Variants in TP53BP1 observed in about 807,000 individuals in gnomAD.
TP53BP1 encodes the protein tumor protein p53 binding protein 1.
Under a neutral mutation model 200.8 loss-of-function variants are expected in TP53BP1, and 61 were observed. That is an observed-to-expected ratio of 0.30 (90% CI 0.25 to 0.38). The LOEUF is 0.38. Ranked by LOEUF, TP53BP1 falls within the 10% of genes least tolerant of loss-of-function variation. TP53BP1 has a pLI of 1.00. For synonymous variants in TP53BP1, 822 were observed against 844.3 expected, an observed-to-expected ratio of 0.97 and a Z score of 0.46; for missense variants, 2,144 against 2,371.9, an observed-to-expected ratio of 0.90 and a Z score of 2.00.
At chr15:43,455,778 T>C in intron 12 of TP53BP1, 114 bp downstream of exon 12, 1 of 1,294,498 alleles carries the variant, frequency 7.7e-7, no homozygotes, top group Non-Finnish European at 1.1e-6. Flanking sequence ...TGGTTGTTCA[T>C]AAACATAAAC....
At chr15:43,421,280 G>T in intron 19 of TP53BP1, 106 bp from the exon 20 acceptor site, 1 of 1,208,366 alleles carries the variant, frequency 8.3e-7, no homozygotes, top group Non-Finnish European at 1.2e-6. Context: ...CATGTGCTGA[G>T]CCTTTGGGGC....
chr15:43,428,356 A>G (rs186643370), intron 17 of TP53BP1, among the ~76,000 whole-genome samples, 188 bp from the exon 18 acceptor site: 1 of 152,316 alleles, frequency 6.6e-6, no homozygotes, highest in Admixed American at 6.5e-5. Context: ...CCAGAGGCTA[A>G]GAGAAGTTTA....
Position 43,409,092 on chromosome 15 carries a change from T to G in TP53BP1, c.5405A>C (p.Asn1802Thr), listed in dbSNP as rs908899319. The part of the protein sequence containing the change: ...ILEDFNEAQC[N>T]TAYQCLLIAD... ...AATTAGAAGACACTGGTAAGCTGTG[T>G]TACACTGCAAGAAAAGAAGCAGAGC... Residue 1802 changes from asparagine to threonine, a missense_variant, in exon 26 of 28, where the codon AAC (asparagine) becomes ACC (threonine). Physicochemically the swap from Asn to Thr is moderately conservative, Grantham distance 65. Coordinates refer to ENST00000382044, the MANE Select transcript of TP53BP1 (RefSeq NM_001141980.3). 2 of 1,614,178 alleles carry G rather than the reference T, an allele frequency of 1.2e-6. No individual in the cohort carries two copies. Among genetic ancestry groups the G allele is most frequent in the Non-Finnish European group, 8.5e-7 (1 of 1,180,004 alleles).
Position 43,469,952 on chromosome 15 carries a change from G to A in TP53BP1, c.1295C>T (p.Thr432Ile). 6.2e-7 allele frequency: 1 copy of A among 1,614,068 alleles called. No individual in the cohort carries two copies. Among genetic ancestry groups the A allele is most frequent in the Non-Finnish European group, 8.5e-7 (1 of 1,180,036 alleles). Residue 432 changes from threonine (T) to isoleucine (I), a missense_variant, in exon 11 of 28, where the codon ACT (threonine) becomes ATT (isoleucine). This residue lies in a region of TP53BP1 where 1,700 missense variants were observed against 1,710.3 expected (regional missense o/e 0.99). Coordinates refer to ENST00000382044, the MANE Select transcript of TP53BP1 (RefSeq NM_001141980.3). ...LENPPLLPES[T>I]VSPQASTPIS... Reference sequence around the variant, plus strand: ...TGGTGTTGAGGCTTGTGGTGATACAGTGGACTCAGGCAGGAGAGGGGGGTT... The same window carrying A: ...TGGTGTTGAGGCTTGTGGTGATACAATGGACTCAGGCAGGAGAGGGGGGTT...
Position 43,446,376 on chromosome 15 carries a change from A to G in TP53BP1, c.3040+11T>C. The G allele has an allele frequency of 6.2e-7, 1 of 1,612,080 alleles. No homozygotes were observed. The highest frequency in any genetic ancestry group is 8.5e-7 in the Non-Finnish European group (1 of 1,178,316). On this transcript the variant is annotated intron_variant, in intron 14 of 27. Transcript: ENST00000382044. Reference sequence around the variant, plus strand: ...CAGCTACTAATTACCCAAGATTAACATAAAACTTACTTTCCAGGTTGAACT... The same window carrying G: ...CAGCTACTAATTACCCAAGATTAACGTAAAACTTACTTTCCAGGTTGAACT...
intron 16 of TP53BP1, among the ~76,000 whole-genome samples, chr15:43,436,925 G>A (rs1315510581): frequency 6.6e-6 from 1 of 151,936 alleles, no homozygotes; most frequent in Non-Finnish European, 1.5e-5. Flanking sequence ...ACGTTGGGAA[G>A]ATGAGGCAGG....
At position 43,447,431 on chromosome 15, in the gene TP53BP1, G is replaced by C; in HGVS notation, c.2771C>G (p.Thr924Ser). 1 of 1,582,860 alleles carries C rather than the reference G, an allele frequency of 6.3e-7. No homozygotes were observed. Among genetic ancestry groups the C allele is most frequent in the Non-Finnish European group, 8.6e-7 (1 of 1,167,320 alleles). The change falls in exon 13 of 28, where the codon ACT becomes AGT. Residue 924 changes from threonine to serine, a missense_variant. Physicochemically the swap from Thr to Ser is moderately conservative, Grantham distance 58 (BLOSUM62 1). Coordinates refer to ENST00000382044, the MANE Select transcript of TP53BP1 (RefSeq NM_001141980.3). ...CCCAATAAGAGGTGGGGTTGCACCA[G>C]TCAATGGTGGGATGATATCACCTTC... is the stretch of plus-strand genomic sequence containing the variant. ...PKEGDIIPPL[T>S]GATPPLIGHL...
At position 43,403,670 on chromosome 15, in the gene TP53BP1, G is replaced by C; in HGVS notation, c.*3713C>G. On this transcript the variant is annotated 3_prime_UTR_variant, in exon 28 of 28. Transcript: ENST00000382044. ...TCCTTCCTTTCCTAATGCCAACTCT[G>C]TTTCCCGGGTAGGTGTTTCACTGCC... The C allele has an allele frequency of 6.3e-7, 1 of 1,597,024 alleles. No homozygotes were observed. The highest frequency in any genetic ancestry group is 1.1e-5 in the South Asian group (1 of 90,402).
intron 15 of TP53BP1, 24 bp downstream of exon 15, chr15:43,441,502 T>C (rs1244048693): frequency 6.4e-7 from 1 of 1,569,830 alleles, no homozygotes; most frequent in Admixed American, 1.7e-5. Context: ...TATTAAACTC[T>C]AAATAGCATC....
intron 21 of TP53BP1, among the ~76,000 whole-genome samples, chr15:43,418,821 T>A (rs1163480072): frequency 6.6e-6 from 1 of 152,104 alleles, no homozygotes; most frequent in Admixed American, 6.5e-5. Flanking sequence ...AACTTCTCCC[T>A]AAGCAAAAAT....
At chr15:43,499,996 T>C (rs1037171301) in intron 1 of TP53BP1, among the ~76,000 whole-genome samples, 2 of 152,216 alleles carry the variant, frequency 1.3e-5, no homozygotes, top group African/African-American at 2.4e-5. Flanking sequence ...GCACTTACTA[T>C]GTTCTAAGTT....
Position 43,407,302 on chromosome 15 carries a change from TAC to T in TP53BP1, c.*79_*80del. 1 of 1,231,516 alleles carries T rather than the reference TAC, an allele frequency of 8.1e-7. No homozygotes were observed. The highest frequency in any genetic ancestry group is 1.5e-5 in the African/African-American group (1 of 66,980). 76.3% of individuals were successfully genotyped at this position (1,231,516 alleles called of 1,614,324 possible). ...ACAAGATCCATGCAAGGAATCCAGT[TAC>T]ACACAAGACACATTTAAAACCTGGT... On this transcript the variant is annotated 3_prime_UTR_variant, in exon 28 of 28. Coordinates refer to ENST00000382044, the MANE Select transcript of TP53BP1 (RefSeq NM_001141980.3).
At chr15:43,460,942 C>A (rs2046414539) in intron 11 of TP53BP1, among the ~76,000 whole-genome samples, 2 of 150,372 alleles carry the variant, frequency 1.3e-5, no homozygotes. Flanking sequence ...GTTAAGGCTG[C>A]AGTGAGCAGT....
chr15:43,459,312 C>T (rs1372702795), intron 11 of TP53BP1, among the ~76,000 whole-genome samples: 4 of 152,032 alleles, frequency 2.6e-5, no homozygotes, highest in Non-Finnish European at 4.4e-5. Flanking sequence ...ACTCCAGCCT[C>T]AGCGACAGAG....
intron 23 of TP53BP1, 77 bp from the exon 24 acceptor site, chr15:43,413,411 C>T (rs1473500201): frequency 1.7e-6 from 2 of 1,185,408 alleles, no homozygotes; most frequent in African/African-American, 3.0e-5. Flanking sequence ...CAAAAGGCCC[C>T]AGCACCAAGC....
intron 8 of TP53BP1, among the ~76,000 whole-genome samples, chr15:43,477,085 G>A (rs2078894418): frequency 6.6e-6 from 1 of 152,108 alleles, no homozygotes; most frequent in Non-Finnish European, 1.5e-5. Context: ...CGGATCACAA[G>A]GTCAGGAGAT....
At position 43,403,636 on chromosome 15, in the gene TP53BP1, G is replaced by A; in HGVS notation, c.*3747C>T. ...GTTCTCCTAACACTTTAACTTCATG[G>A]ATGTACCTTCCTTCCTTTCCTAATG... On this transcript the variant is annotated 3_prime_UTR_variant, in exon 28 of 28. Transcript: ENST00000382044. The A allele has an allele frequency of 1.5e-6, 2 of 1,363,776 alleles. No homozygotes were observed. The highest frequency in any genetic ancestry group is 2.1e-6 in the Non-Finnish European group (2 of 958,458). The allele number at this position is 1,363,776 out of a possible 1,614,324, so 84.5% of individuals were successfully genotyped here.
rs2046319068 is a variant in TP53BP1 at position 43,457,182 on chromosome 15, A to G, written c.1426T>C (p.Ser476Pro). 4.3e-6 allele frequency: 7 copies of G among 1,612,166 alleles called. No homozygotes were observed. Among genetic ancestry groups the G allele is most frequent in the Non-Finnish European group, 5.9e-6 (7 of 1,179,282 alleles). ...FIPSPSLEEQ[S>P]NDGKKDGDMH... is the part of the protein sequence containing the mutation. ...TCTCCATCTTTCTTCCCATCATTTG[A>G]TTGTTCTTCCAGACTTGGGGAAGGA... The change falls in exon 12 of 28, where the codon TCA becomes CCA. Residue 476 changes from serine to proline, a missense_variant. Ser to Pro is a moderately conservative substitution (Grantham distance 74). Transcript: ENST00000382044.
rs139997299 is a variant in TP53BP1, at chr15:43,414,480, T to C, written c.5089+1114A>G. Among the ~76,000 whole-genome samples the C allele has an allele frequency of 5.2e-3, 792 of 152,258 alleles. 3 individuals are homozygous for C. Among genetic ancestry groups the C allele is most frequent in the South Asian group, 0.014 (67 of 4,824 alleles). On this transcript the variant is annotated intron_variant, in intron 23 of 27. Coordinates refer to ENST00000382044, the MANE Select transcript of TP53BP1 (RefSeq NM_001141980.3). ...AAAAGAAGCTCTGGTGCCAGGACAA[T>C]GTAACAATCAATGGAGTTTCATCAG...
Sources: allele counts gnomAD v4.1 joint callset (sites outside exome capture counted in the v4.1 genomes callset), GRCh38; gene constraint gnomAD v4.1.1; regional missense constraint gnomAD v4.1.1; transcripts MANE v1.5; gene names NCBI Gene and HGNC (gene_info 2026-07-23, HGNC 2026-07-21).